TMEM145: variants seen among roughly 807,000 people sequenced by gnomAD.
TMEM145 encodes the protein transmembrane protein 145.
Under a neutral mutation model 68.5 loss-of-function variants are expected in TMEM145, and 46 were observed. The observed-to-expected ratio is 0.67, with a 90% CI of 0.53 to 0.86. TMEM145 has a LOEUF of 0.86. Among genes scored for constraint, TMEM145 ranks in the 40% least tolerant of loss-of-function variants. The probability of loss-of-function intolerance (pLI) is 0.00; values close to 1 mark genes in which losing one functional copy is unlikely to be tolerated. For missense variants in TMEM145, 570 were observed against 645.8 expected (o/e 0.88, Z 1.27); for synonymous variants, 255 against 280.2 (o/e 0.91, Z 0.90).
rs755419999 is a variant in TMEM145 at position 42,316,977 on chromosome 19, G to C, written c.900+14G>C. On this transcript the variant is annotated intron_variant, in intron 11 of 14. Transcript: ENST00000301204. Reference sequence around the variant, plus strand: ...TACGAGGCGGAAGTGAGTCCGACTGGCCCCTGGCCGGGCCCTGCCTTCCCC... The same window carrying C: ...TACGAGGCGGAAGTGAGTCCGACTGCCCCCTGGCCGGGCCCTGCCTTCCCC... The C allele has an allele frequency of 6.2e-7, 1 of 1,610,004 alleles. No homozygotes were observed. The highest frequency in any genetic ancestry group is 2.2e-5 in the East Asian group (1 of 44,696).
In TMEM145 at chr19:42,314,838, G is replaced by A. The variant is rs763857937; in HGVS notation, c.407G>A (p.Arg136His). 2.5e-6 allele frequency: 4 copies of A among 1,614,180 alleles called. No individual in the cohort carries two copies. The highest frequency in any genetic ancestry group is 1.1e-5 in the South Asian group (1 of 91,088). The change falls in exon 5 of 15, where the codon CGC becomes CAC. Residue 136 changes from arginine (R) to histidine (H), a missense_variant. By Grantham distance (29) the Arg-to-His change is conservative. Transcript: ENST00000301204. The part of the protein sequence containing the change: ...GTRYLSCSSG[R>H]SFRSGDGLQL... ...CGCTACCTGAGCTGCTCCAGTGGCC[G>A]CAGCTTCCGCTCAGTGCGTGAACGG... is the stretch of plus-strand genomic sequence containing the variant.
chr19:42,314,631 T>C lies in TMEM145; in HGVS notation c.292T>C (p.Ser98Pro). The change falls in exon 4 of 15, where the codon TCA becomes CCA. Residue 98 changes from serine to proline, a missense_variant. By Grantham distance (74) the Ser-to-Pro change is moderately conservative (BLOSUM62 -1). Transcript: ENST00000301204. ...AGDKDCLAKESVIRPENNQVI... is the reference protein window; with the variant it reads ...AGDKDCLAKEPVIRPENNQVI... Reference sequence around the variant, plus strand: ...TCCCCAGGACTGCCTGGCCAAGGAGTCAGTGATCCGGCCGGAGAACAACCA... The same window carrying C: ...TCCCCAGGACTGCCTGGCCAAGGAGCCAGTGATCCGGCCGGAGAACAACCA... 6.2e-7 allele frequency: 1 copy of C among 1,613,692 alleles called. No homozygotes were observed. Among genetic ancestry groups the C allele is most frequent in the Non-Finnish European group, 8.5e-7 (1 of 1,179,898 alleles).
intron 14 of TMEM145, among the ~76,000 whole-genome samples, chr19:42,324,072 C>G (rs1396280379): frequency 6.6e-6 from 1 of 151,954 alleles, no homozygotes; most frequent in East Asian, 1.9e-4. Context: ...CCGGCCGCCG[C>G]CGGAGTTCGC....
chr19:42,315,034 T>C lies in TMEM145; in HGVS notation c.462T>C (p.Asn154=), dbSNP rs746489608. The C allele has an allele frequency of 6.2e-7, 1 of 1,614,044 alleles. No individual in the cohort carries two copies. Among genetic ancestry groups the C allele is most frequent in the South Asian group, 1.1e-5 (1 of 91,078 alleles). Reference sequence around the variant, plus strand: ...TGGAGTATGAGATGGTCCTCACCAATGGCAAGTCCTTCTGGACACGACACT... The same window carrying C: ...TGGAGTATGAGATGGTCCTCACCAACGGCAAGTCCTTCTGGACACGACACT... ...LQLEYEMVLT[N]GKSFWTRHFS... Residue 154 remains asparagine (N), a synonymous_variant, in exon 6 of 15, where the codon AAT becomes AAC. Transcript: ENST00000301204.
intron 11 of TMEM145, 133 bp from the exon 12 acceptor site, chr19:42,317,576 C>T: frequency 2.7e-6 from 2 of 742,676 alleles, no homozygotes; most frequent in South Asian, 1.8e-5. Flanking sequence ...ATGCTTCTGT[C>T]TCCGTGCCTG....
intron 11 of TMEM145, 103 bp from the exon 12 acceptor site, chr19:42,317,606 T>C: frequency 8.9e-7 from 1 of 1,118,332 alleles, no homozygotes; most frequent in Non-Finnish European, 1.3e-6. Flanking sequence ...TTGCTTGTGT[T>C]CTGACCGAGT....
At chr19:42,314,555 G>A (rs540261857) in intron 3 of TMEM145, 27 bp downstream of exon 3, 1 of 1,614,172 alleles carries the variant, frequency 6.2e-7, no homozygotes, top group East Asian at 2.2e-5. Flanking sequence ...GGGCATAGGG[G>A]GAGAGGGGAG....
In TMEM145 at chr19:42,315,018, A is replaced by G; in HGVS notation, c.446A>G (p.Glu149Gly). Residue 149 changes from glutamate (E) to glycine (G), a missense_variant, in exon 6 of 15, where the codon GAG becomes GGG. Coordinates refer to ENST00000301204, the MANE Select transcript of TMEM145 (RefSeq NM_173633.3). The stretch of plus-strand genomic sequence containing the variant: ...GGTGATGGATTGCAGCTGGAGTATG[A>G]GATGGTCCTCACCAATGGCAAGTCC... ...RSGDGLQLEY[E>G]MVLTNGKSFW... 1 of 1,613,908 alleles carries G rather than the reference A, an allele frequency of 6.2e-7. No individual in the cohort carries two copies.
chr19:42,321,465 C>T (rs1350956327), intron 13 of TMEM145: 3 of 230,256 alleles, frequency 1.3e-5, no homozygotes, highest in Non-Finnish European at 2.5e-5. Flanking sequence ...TCTCGGCTCA[C>T]TGCAACTTCT....
intron 9 of TMEM145, 46 bp from the exon 10 acceptor site, chr19:42,316,616 C>T (rs2038860335): frequency 1.2e-6 from 2 of 1,613,512 alleles, no homozygotes; most frequent in Admixed American, 3.3e-5. Flanking sequence ...GGTTGGGCAT[C>T]AGGTCTGAGC....
chr19:42,324,178 C>T (rs1285241570), intron 14 of TMEM145: 2 of 885,000 alleles, frequency 2.3e-6, no homozygotes, highest in African/African-American at 3.6e-5. Flanking sequence ...GCGTCCACAC[C>T]TGGGGTGGAA....
intron 13 of TMEM145, among the ~76,000 whole-genome samples, chr19:42,322,867 A>G (rs545257243): frequency 4.3e-4 from 65 of 151,844 alleles, no homozygotes; most frequent in African/African-American, 1.6e-3. Flanking sequence ...CACCTGGCTA[A>G]TTTTTGTATT....
chr19:42,319,249 G>A (rs556521865), intron 12 of TMEM145, among the ~76,000 whole-genome samples: 1 of 152,262 alleles, frequency 6.6e-6, no homozygotes, highest in Non-Finnish European at 1.5e-5. Context: ...GACCTCAGAC[G>A]AGCCCATTAA....
chr19:42,319,743 C>T (rs950283863), intron 12 of TMEM145, among the ~76,000 whole-genome samples: 28 of 148,228 alleles, frequency 1.9e-4, no homozygotes, highest in Middle Eastern at 4.0e-3. Context: ...CCACTGTGCC[C>T]GGCCTGATTT....
intron 8 of TMEM145, among the ~76,000 whole-genome samples, chr19:42,316,145 C>T (rs909337542): frequency 2.0e-5 from 3 of 151,310 alleles, no homozygotes; most frequent in African/African-American, 7.3e-5. Context: ...GGGGTCTGGA[C>T]CCCTGGGTCC....
intron 13 of TMEM145, among the ~76,000 whole-genome samples, chr19:42,322,679 ATATT>A (rs113003304): frequency 1.3e-5 from 2 of 151,448 alleles, no homozygotes; most frequent in African/African-American, 2.4e-5. Context: ...CATTCCACCA[ATATT>A]TATTTATTTA....
At chr19:42,324,372 C>G (rs375268286) in intron 14 of TMEM145, 15 of 985,036 alleles carry the variant, frequency 1.5e-5, no homozygotes, top group East Asian at 2.3e-4. Flanking sequence ...GCCTCCCCCC[C>G]ACTTCCCGCT....
chr19:42,313,352 C>A lies in TMEM145; in HGVS notation c.-25C>A. 1 of 972,814 alleles carries A rather than the reference C, an allele frequency of 1.0e-6. No homozygotes were observed. The highest frequency in any genetic ancestry group is 3.6e-5 in the South Asian group (1 of 27,426). 60.3% of individuals were successfully genotyped at this position (972,814 alleles called of 1,614,324 possible). On this transcript the variant is annotated 5_prime_UTR_variant, in exon 1 of 15. Coordinates refer to ENST00000301204, the MANE Select transcript of TMEM145 (RefSeq NM_173633.3). The surrounding 1 kb of genome is among the most constrained non-coding windows in gnomAD (Gnocchi z 5.1). ...TGCCGGGCCAGTGCGGGAGCCGGAGCGGAGCCGGGGCCGGAGCGGGCGGAA... is the reference window on the plus strand; with the variant it reads ...TGCCGGGCCAGTGCGGGAGCCGGAGAGGAGCCGGGGCCGGAGCGGGCGGAA...
rs748338116 is a variant in TMEM145 at position 42,314,341 on chromosome 19, C to G, written c.190C>G (p.Pro64Ala). 2.5e-6 allele frequency: 4 copies of G among 1,613,974 alleles called. No homozygotes were observed. The highest frequency in any genetic ancestry group is 4.5e-5 in the East Asian group (2 of 44,896). The change falls in exon 2 of 15, where the codon CCT becomes GCT. Residue 64 changes from proline to alanine, a missense_variant. Coordinates refer to ENST00000301204, the MANE Select transcript of TMEM145 (RefSeq NM_173633.3). The stretch of plus-strand genomic sequence containing the variant: ...CCGACTGGACTTCCGTTTCCGCTAC[C>G]CTGAGGTGAGTCTCCCCCAACACTC... ...YGRLDFRFRY[P>A]EAKCCQNILL...
Sources: allele counts gnomAD v4.1 joint callset (sites outside exome capture counted in the v4.1 genomes callset), GRCh38; gene constraint gnomAD v4.1.1; non-coding constraint Gnocchi (gnomAD v3.1); transcripts MANE v1.5; gene names NCBI Gene and HGNC (gene_info 2026-07-23, HGNC 2026-07-21).